The following B4GALNT2 variants were observed in gnomAD, a reference collection of about 807,000 sequenced individuals.
B4GALNT2 encodes N-acetylneuraminylgalactosylglucosyl-glucoside beta-1,4-N- acetylgalactosaminyltransferase 2.
Under a neutral mutation model 51.1 loss-of-function variants are expected in B4GALNT2, and 42 were observed. The observed-to-expected ratio is 0.82, with a 90% confidence interval of 0.64 to 1.06. B4GALNT2 has a LOEUF of 1.06. Ranked by LOEUF, B4GALNT2 falls within the 50% of genes least tolerant of loss-of-function variation. The pLI is 0.00. For synonymous variants in B4GALNT2, 253 were observed against 251.7 expected (o/e 1.01, Z -0.05); for missense variants, 602 against 633.6 (o/e 0.95, Z 0.54).
At chr17:49,131,163 T>C (rs745356363), upstream of B4GALNT2, among the ~76,000 whole-genome samples, 4 of 152,220 alleles carry the variant, frequency 2.6e-5, no homozygotes, top group Non-Finnish European at 4.4e-5. Context: ...CGGGAATGAA[T>C]ATGGAAGCTC....
chr17:49,174,451 G>T lies in B4GALNT2; in HGVS notation c.*4723G>T, dbSNP rs2042975676. 2.0e-5 allele frequency: 3 copies of T among 152,126 alleles called. No individual in the cohort carries two copies. The South Asian group carries it at 6.2e-4, about 32-fold the overall frequency. 9.4% of individuals were successfully genotyped at this position (152,126 alleles called of 1,614,324 possible). ...CCTGCTCAGCTAAGGGGATAGTAAA[G>T]AAACAGTCTTTTAAATCTATGACTA... On this transcript the variant is annotated 3_prime_UTR_variant, in exon 11 of 11. Transcript: ENST00000393354.
chr17:49,132,416 C>A (rs2042547275), upstream of B4GALNT2: 1 of 240,270 alleles, frequency 4.2e-6, no homozygotes, highest in Non-Finnish European at 8.0e-6. Flanking sequence ...GAGGTGGGAC[C>A]AAGGCCGAAT....
chr17:49,161,157 C>T (rs2042860699), intron 7 of B4GALNT2, among the ~76,000 whole-genome samples: 1 of 151,940 alleles, frequency 6.6e-6, no homozygotes, highest in Non-Finnish European at 1.5e-5. Context: ...CACCTGTAAT[C>T]CCTGCTACTC....
intron 8 of B4GALNT2, among the ~76,000 whole-genome samples, chr17:49,165,668 C>T (rs139241107): frequency 6.7e-6 from 1 of 148,750 alleles, no homozygotes; most frequent in East Asian, 2.0e-4. Flanking sequence ...CTCCTTGCTA[C>T]TCTTTCCCTC....
upstream of B4GALNT2, among the ~76,000 whole-genome samples, chr17:49,130,059 A>G (rs2042529354): frequency 6.6e-6 from 1 of 152,240 alleles, no homozygotes; most frequent in Non-Finnish European, 1.5e-5. Context: ...AAGCTGAAAA[A>G]GAGTAAATAT....
chr17:49,146,020 A>G (rs1334380142), intron 3 of B4GALNT2, among the ~76,000 whole-genome samples: 1 of 152,140 alleles, frequency 6.6e-6, no homozygotes, highest in African/African-American at 2.4e-5. Context: ...AAATTTTGCT[A>G]GTGGATCACT....
rs571833893 is a variant in B4GALNT2 at position 49,168,737 on chromosome 17, T to A, written c.1152T>A (p.Ser384Arg). The part of the protein sequence containing the change: ...VFQFKLLLEQ[S>R]ENGACLHKRM... Reference sequence around the variant, plus strand: ...AGTTTAAGTTGTTGCTGGAACAGAGTGAGAATGGGGCCTGCCTTCACAAGA... The same window carrying A: ...AGTTTAAGTTGTTGCTGGAACAGAGAGAGAATGGGGCCTGCCTTCACAAGA... Residue 384 changes from serine to arginine, a missense_variant, in exon 10 of 11, where the codon AGT becomes AGA. Coordinates refer to ENST00000393354, the MANE Select transcript of B4GALNT2 (RefSeq NM_001159387.2). The A allele has an allele frequency of 6.2e-7, 1 of 1,613,816 alleles. No individual in the cohort carries two copies. Among genetic ancestry groups the A allele is most frequent in the East Asian group, 2.2e-5 (1 of 44,874 alleles).
the B4GALNT2 span, among the ~76,000 whole-genome samples, chr17:49,124,136 G>A: frequency 7.2e-5 from 11 of 152,308 alleles, no homozygotes; most frequent in Non-Finnish European, 1.2e-4. Flanking sequence ...ACTTTGAAAA[G>A]CAAAACAAAG....
intron 4 of B4GALNT2, among the ~76,000 whole-genome samples, chr17:49,155,277 G>A (rs2042797767): frequency 1.7e-5 from 2 of 120,176 alleles, no homozygotes; most frequent in African/African-American, 6.4e-5. Context: ...CAGCCTGGAT[G>A]ACAGAGTGAG....
upstream of B4GALNT2, chr17:49,132,354 G>A (rs554195082): frequency 5.6e-6 from 1 of 178,044 alleles, no homozygotes; most frequent in African/African-American, 2.3e-5. Context: ...TCCAGTTCCT[G>A]GGGTCTTTTG....
rs1193973526 is a variant in B4GALNT2, at chr17:49,164,226, T to C, written c.905T>C (p.Leu302Pro). The C allele has an allele frequency of 6.2e-7, 1 of 1,613,540 alleles. No individual in the cohort carries two copies. Among genetic ancestry groups the C allele is most frequent in the African/African-American group, 1.3e-5 (1 of 74,898 alleles). The change falls in exon 8 of 11, where the codon CTG (leucine) becomes CCG (proline). Residue 302 changes from leucine to proline, a missense_variant. Coordinates refer to ENST00000393354, the MANE Select transcript of B4GALNT2 (RefSeq NM_001159387.2). Reference protein sequence around the residue: ...VIVADDSQKPLEIKDNHVEYY... With the variant: ...VIVADDSQKPPEIKDNHVEYY... Reference sequence around the variant, plus strand: ...GTGGCTGATGACAGCCAGAAGCCCCTGGAAATTAAAGACAATCACGTGGAG... The same window carrying C: ...GTGGCTGATGACAGCCAGAAGCCCCCGGAAATTAAAGACAATCACGTGGAG...
chr17:49,152,881 GC>G lies in B4GALNT2; in HGVS notation c.439del (p.Leu147CysfsTer23). 3 of 1,610,970 alleles carry G rather than the reference GC, an allele frequency of 1.9e-6. No homozygotes were observed. The highest frequency in any genetic ancestry group is 1.7e-4 in the Middle Eastern group (1 of 6,054). On this transcript the variant is annotated frameshift_variant, in exon 4 of 11. Transcript: ENST00000393354. LOFTEE classifies it high-confidence loss of function. ...GYPVHGVEVM[P>X]LHTVPIPGLQ... ...ACCCAGTCCACGGAGTGGAGGTGAT[GC>G]CCCTGCACACGGTTCCCATCCCAGG...
In B4GALNT2 at chr17:49,169,596, G is replaced by A. The variant is rs1174062383; in HGVS notation, c.1389G>A (p.Arg463=). ...CPEVIIGHQS[R]SPVVDSELAA... ...AAGTGATTATAGGTCACCAGTCTCG[G>A]TCTCCAGTGGTGGACTCAGAACTGG... The change falls in exon 11 of 11, where the codon CGG becomes CGA. Residue 463 remains arginine, a synonymous_variant. Coordinates refer to ENST00000393354, the MANE Select transcript of B4GALNT2 (RefSeq NM_001159387.2). The A allele has an allele frequency of 1.9e-6, 3 of 1,613,158 alleles. No homozygotes were observed. Among genetic ancestry groups the A allele is most frequent in the Non-Finnish European group, 2.5e-6 (3 of 1,179,998 alleles).
intron 2 of B4GALNT2, 56 bp downstream of exon 2, chr17:49,141,503 C>T: frequency 6.5e-7 from 1 of 1,546,592 alleles, no homozygotes; most frequent in Non-Finnish European, 8.9e-7. Flanking sequence ...CCTTGCTCCT[C>T]CTCAAGTACC....
chr17:49,147,374 C>CTTTTTTTTTTTTT (rs1475311406), intron 3 of B4GALNT2, among the ~76,000 whole-genome samples: 9 of 143,894 alleles, frequency 6.3e-5, no homozygotes, highest in African/African-American at 2.0e-4. Context: ...TCTTTTCTTT[C>CTTTTTTTTTTTTT]TTTCTTTTTT....
At chr17:49,139,723 C>T (rs1409577291) in intron 1 of B4GALNT2, among the ~76,000 whole-genome samples, 1 of 152,016 alleles carries the variant, frequency 6.6e-6, no homozygotes, top group African/African-American at 2.4e-5. Flanking sequence ...GTTTTGTTGC[C>T]CAGGACGGTC....
intron 5 of B4GALNT2, among the ~76,000 whole-genome samples, chr17:49,157,132 A>G (rs2042817757): frequency 6.6e-6 from 1 of 151,986 alleles, no homozygotes; most frequent in Admixed American, 6.6e-5. Flanking sequence ...GGCCTCCACC[A>G]CCTGTCACCA....
At chr17:49,129,714 G>A (rs575164114), upstream of B4GALNT2, among the ~76,000 whole-genome samples, 1 of 130,176 alleles carries the variant, frequency 7.7e-6, no homozygotes, top group East Asian at 2.0e-4. Flanking sequence ...TTCTGTGTGG[G>A]GGGGGAAGTT....
At chr17:49,147,966 T>TTATATA (rs140831657) in intron 3 of B4GALNT2, among the ~76,000 whole-genome samples, 42 of 147,640 alleles carry the variant, frequency 2.8e-4, no homozygotes, top group African/African-American at 9.2e-4. Context: ...TTTTATTCAA[T>TTATATA]TATATATATA....
Sources: allele counts gnomAD v4.1 joint callset (sites outside exome capture counted in the v4.1 genomes callset), GRCh38; gene constraint gnomAD v4.1.1; transcripts MANE v1.5; gene names NCBI Gene and HGNC (gene_info 2026-07-23, HGNC 2026-07-21).